The following MYRF variants were observed in gnomAD, a reference collection of about 807,000 sequenced individuals.
The protein encoded by MYRF is myelin gene regulatory factor.
MYRF carries 16 observed loss-of-function variants against 126.3 expected under a neutral mutation model. The observed-to-expected ratio is 0.13, with a 90% CI of 0.09 to 0.19. The LOEUF is 0.19. MYRF is among the 10% of genes least tolerant of loss of function. MYRF has a pLI of 1.00. For missense variants in MYRF, 1,104 were observed against 1,547.0 expected, an observed-to-expected ratio of 0.71 and a Z score of 4.80; for synonymous variants, 608 against 635.3, an observed-to-expected ratio of 0.96 and a Z score of 0.65.
chr11:61,786,311 C>T lies in MYRF; in HGVS notation c.*168C>T, dbSNP rs2066693928. The T allele has an allele frequency of 1.8e-5, 12 of 682,040 alleles. No homozygotes were observed. In the Admixed American group the frequency reaches 3.0e-4, roughly 17 times the overall value. 42.2% of individuals were successfully genotyped at this position (682,040 alleles called of 1,614,324 possible). A position where few individuals can be genotyped will look rare whatever the true frequency, so the allele number is the denominator to read the frequency against. ...AGTCTTCACACTGGAGTTGCTGTTCCAGCTGGTCGCCCCTCACGGCACAGA... is the reference window on the plus strand; with the variant it reads ...AGTCTTCACACTGGAGTTGCTGTTCTAGCTGGTCGCCCCTCACGGCACAGA... On this transcript the variant is annotated 3_prime_UTR_variant, in exon 27 of 27. Coordinates refer to ENST00000278836, the MANE Select transcript of MYRF (RefSeq NM_001127392.3). This position sits in a 1 kb window ranked among gnomAD's most constrained non-coding sequence, Gnocchi z 4.5.
intron 1 of MYRF, among the ~76,000 whole-genome samples, chr11:61,763,093 C>T (rs2065945392): frequency 6.6e-6 from 1 of 152,116 alleles, no homozygotes; most frequent in Admixed American, 6.5e-5. Flanking sequence ...CATCATTCAC[C>T]GTAGATTCCA....
At position 61,778,791 on chromosome 11, in the gene MYRF, T is replaced by G. The variant is rs1008234608; in HGVS notation, c.2013+302T>G. 6.9e-6 allele frequency: 4 copies of G among 582,248 alleles called. No individual in the cohort carries two copies. The highest frequency in any genetic ancestry group is 1.3e-5 in the Non-Finnish European group (4 of 308,562). 36.1% of individuals were successfully genotyped at this position (582,248 alleles called of 1,614,324 possible). On this transcript the variant is annotated intron_variant, in intron 14 of 26. Transcript: ENST00000278836. This position sits in a 1 kb window ranked among gnomAD's most constrained non-coding sequence, Gnocchi z 4.6. ...CGGTAATAGAACTGCACAGACATCC[T>G]CGTATGGTTACCTCCAGGCTGAAAT...
At chr11:61,767,391 G>C (rs566441550) in intron 3 of MYRF, 14 of 456,524 alleles carry the variant, frequency 3.1e-5, no homozygotes, top group Non-Finnish European at 5.3e-5. Context: ...AGGAGCCCTG[G>C]CCACTGCTAC....
intron 3 of MYRF, chr11:61,768,591 TGGCA>T (rs1565288347): frequency 6.6e-6 from 1 of 152,256 alleles, no homozygotes; most frequent in South Asian, 2.1e-4. Flanking sequence ...ATGGCCTCTC[TGGCA>T]GTTCCCTGGG....
chr11:61,770,568 T>A, intron 5 of MYRF, 43 bp downstream of exon 5: 1 of 1,493,858 alleles, frequency 6.7e-7, no homozygotes, highest in Non-Finnish European at 9.0e-7. Context: ...GAAGGTGGGG[T>A]ACAGGGACCA....
chr11:61,773,552 A>C (rs1019120917), intron 7 of MYRF, among the ~76,000 whole-genome samples: 3 of 152,210 alleles, frequency 2.0e-5, no homozygotes, highest in African/African-American at 7.2e-5. Flanking sequence ...ACTAGCTGTC[A>C]GGCGCTGTGA....
intron 1 of MYRF, among the ~76,000 whole-genome samples, chr11:61,763,734 G>A (rs908250959): frequency 6.6e-5 from 10 of 152,080 alleles, no homozygotes; most frequent in Non-Finnish European, 1.0e-4. Context: ...GTGTGGTGGC[G>A]GGCGCCTGTA....
At chr11:61,775,391 T>A (rs2066348666) in intron 8 of MYRF, among the ~76,000 whole-genome samples, 1 of 152,002 alleles carries the variant, frequency 6.6e-6, no homozygotes, top group Non-Finnish European at 1.5e-5. Flanking sequence ...ATCCCTCCTC[T>A]CCAGGCAGAC....
In MYRF at chr11:61,783,090, C is replaced by A. The variant is rs1430913482; in HGVS notation, c.3017-408C>A. On this transcript the variant is annotated intron_variant, in intron 22 of 26. Coordinates refer to ENST00000278836, the MANE Select transcript of MYRF (RefSeq NM_001127392.3). This position sits in a 1 kb window ranked among gnomAD's most constrained non-coding sequence, Gnocchi z 4.6. ...TGCTGGTAGCGGTGTAATCATCGGC[C>A]TCGGGGCAGAGGGGAGCCTGATTTG... is the stretch of plus-strand genomic sequence containing the variant. 1 of 165,526 alleles carries A rather than the reference C, an allele frequency of 6.0e-6. No individual in the cohort carries two copies. The highest frequency in any genetic ancestry group is 1.3e-5 in the Non-Finnish European group (1 of 75,850). The allele number at this position is 165,526 out of a possible 1,614,324, so 10.3% of individuals were successfully genotyped here.
intron 3 of MYRF, chr11:61,767,058 G>A (rs564509780): frequency 1.3e-5 from 6 of 456,676 alleles, no homozygotes; most frequent in Admixed American, 7.0e-5. Context: ...CAAGATTATC[G>A]TGGGAAGCAA....
At position 61,776,304 on chromosome 11, in the gene MYRF, C is replaced by A; in HGVS notation, c.1389-18C>A. On this transcript the variant is annotated intron_variant, in intron 9 of 26. Coordinates refer to ENST00000278836, the MANE Select transcript of MYRF (RefSeq NM_001127392.3). The surrounding 1 kb of genome is among the most constrained non-coding windows in gnomAD (Gnocchi z 4.3). ...GCCTCCCTCCCTGCCCCCTGAGCAC[C>A]CTGCCTCTCCTCTGCAGGGTCAATC... The A allele has an allele frequency of 6.2e-7, 1 of 1,605,092 alleles. No individual in the cohort carries two copies. Among genetic ancestry groups the A allele is most frequent in the Non-Finnish European group, 8.5e-7 (1 of 1,174,922 alleles).
rs1325205307 is a variant in MYRF at position 61,771,563 on chromosome 11, C to T, written c.804C>T (p.Ala268=). Residue 268 remains alanine, a synonymous_variant, in exon 6 of 27, where the codon GCC becomes GCT. Transcript: ENST00000278836. ...HSESPPSTLN[A]QMLNGMIKQE... is the part of the protein sequence containing the mutation. ...AATCCCCCCCCAGCACCCTCAATGC[C>T]CAGATGCTGAATGGAATGATCAAAC... 6.2e-7 allele frequency: 1 copy of T among 1,613,984 alleles called. No homozygotes were observed. Among genetic ancestry groups the T allele is most frequent in the East Asian group, 2.2e-5 (1 of 44,858 alleles).
chr11:61,755,952 G>A (rs893856678), intron 1 of MYRF, among the ~76,000 whole-genome samples: 4 of 152,210 alleles, frequency 2.6e-5, no homozygotes, highest in East Asian at 1.9e-4. Flanking sequence ...CTGGGATTTC[G>A]CCCCTTCTGA....
rs986568021 is a variant in MYRF at position 61,777,494 on chromosome 11, G to C, written c.1791+30G>C. 4 of 1,562,432 alleles carry C rather than the reference G, an allele frequency of 2.6e-6. No homozygotes were observed. Among genetic ancestry groups the C allele is most frequent in the Non-Finnish European group, 2.6e-6 (3 of 1,151,538 alleles). On this transcript the variant is annotated intron_variant, in intron 12 of 26. Transcript: ENST00000278836. This position sits in a 1 kb window ranked among gnomAD's most constrained non-coding sequence, Gnocchi z 8.8. ...GGACAGGGCTGTGGGGGCCGGGCGGGTCCAGACGCTGGAGCGGGCCGCGGG... is the reference window on the plus strand; with the variant it reads ...GGACAGGGCTGTGGGGGCCGGGCGGCTCCAGACGCTGGAGCGGGCCGCGGG...
chr11:61,785,948 G>A (rs2066682863), intron 26 of MYRF, 74 bp downstream of exon 26: 1 of 1,566,264 alleles, frequency 6.4e-7, no homozygotes, highest in Non-Finnish European at 8.8e-7. Context: ...AGGAATGGGG[G>A]GTTTGCACAG....
intron 7 of MYRF, among the ~76,000 whole-genome samples, chr11:61,772,287 C>T (rs1251818062): frequency 6.6e-6 from 1 of 152,164 alleles, no homozygotes; most frequent in Non-Finnish European, 1.5e-5. Context: ...CCAAGCTGGG[C>T]CCTCCCGGCA....
intron 1 of MYRF, among the ~76,000 whole-genome samples, chr11:61,754,630 C>A (rs1347807228): frequency 6.6e-6 from 1 of 152,168 alleles, no homozygotes; most frequent in African/African-American, 2.4e-5. Flanking sequence ...CTCCCTGGCT[C>A]CCTCCTGACC....
intron 1 of MYRF, among the ~76,000 whole-genome samples, chr11:61,764,294 G>T (rs1260333443): frequency 6.6e-6 from 1 of 152,236 alleles, no homozygotes; most frequent in Non-Finnish European, 1.5e-5. Context: ...AGGGCTCTGG[G>T]GCTGGGAAGT....
rs1170658653 is a variant in MYRF, at chr11:61,757,246, T to C, written c.46+4456T>C. 2.2e-6 allele frequency: 1 copy of C among 456,662 alleles called. No homozygotes were observed. Among genetic ancestry groups the C allele is most frequent in the Non-Finnish European group, 4.4e-6 (1 of 226,918 alleles). The allele number at this position is 456,662 out of a possible 1,614,324, so 28.3% of individuals were successfully genotyped here. ...TTGGTTGGGTCTCGGGGTAGGATGA[T>C]GTAATGGTTCTGTGCATTCGCCAGC... On this transcript the variant is annotated intron_variant, in intron 1 of 26. Transcript: ENST00000278836. The surrounding 1 kb of genome is among the most constrained non-coding windows in gnomAD (Gnocchi z 4.7).
Sources: allele counts gnomAD v4.1 joint callset (sites outside exome capture counted in the v4.1 genomes callset), GRCh38; gene constraint gnomAD v4.1.1; non-coding constraint Gnocchi (gnomAD v3.1); transcripts MANE v1.5; gene names NCBI Gene and HGNC (gene_info 2026-07-23, HGNC 2026-07-21).